The following KCNT2 variants were observed in gnomAD, a reference collection of about 807,000 sequenced individuals.
The protein encoded by KCNT2 is potassium channel subfamily T member 2.
In KCNT2, 67 loss-of-function variants were observed where a neutral mutation model predicts 153.8. The ratio of observed to expected loss-of-function variants is 0.44; its 90% CI spans 0.36 to 0.53. The LOEUF is 0.53. Ranked by LOEUF, KCNT2 falls within the 20% of genes least tolerant of loss-of-function variation. The probability of loss-of-function intolerance (pLI) is 0.00; values close to 1 mark genes in which losing one functional copy is unlikely to be tolerated. For synonymous variants in KCNT2, 500 were observed against 458.8 expected, an observed-to-expected ratio of 1.09 and a Z score of -1.15; for missense variants, 975 against 1,354.8, an observed-to-expected ratio of 0.72 and a Z score of 4.40.
Position 196,344,026 on chromosome 1 carries a change from C to T in KCNT2, c.1404-1798G>A, listed in dbSNP as rs772117477. ...AACTCCCAACCTCAGGCGATCCGCCCGCCTTGGCCTCCCAAAGTGCTGGGA... is the reference window on the plus strand; with the variant it reads ...AACTCCCAACCTCAGGCGATCCGCCTGCCTTGGCCTCCCAAAGTGCTGGGA... On this transcript the variant is annotated intron_variant, in intron 14 of 27. Coordinates refer to ENST00000294725, the MANE Select transcript of KCNT2 (RefSeq NM_198503.5). 1.0e-3 allele frequency among the ~76,000 whole-genome samples: 159 copies of T among 152,290 alleles called. 2 individuals are homozygous for T. Among genetic ancestry groups the T allele is most frequent in the South Asian group, 4.1e-4 (2 of 4,820 alleles).
At chr1:196,250,658 AG>A (rs1470933931) in intron 26 of KCNT2, among the ~76,000 whole-genome samples, 1 of 152,180 alleles carries the variant, frequency 6.6e-6, no homozygotes, top group Non-Finnish European at 1.5e-5. Flanking sequence ...TTCACAGCAA[AG>A]GAAACAAACA....
In KCNT2 at chr1:196,285,823, T is replaced by C. The variant is rs1659601997; in HGVS notation, c.2596-65A>G. ...CACATTTTATGCATTTCTGCCTCAGTAAATTGTGTTGACATACGTAAAAAG... is the reference window on the plus strand; with the variant it reads ...CACATTTTATGCATTTCTGCCTCAGCAAATTGTGTTGACATACGTAAAAAG... On this transcript the variant is annotated intron_variant, in intron 22 of 27. Transcript: ENST00000294725. 5 of 905,292 alleles carry C rather than the reference T, an allele frequency of 5.5e-6. No individual in the cohort carries two copies. The South Asian group carries it at 6.8e-5, about 12-fold the overall frequency. 56.1% of individuals were successfully genotyped at this position (905,292 alleles called of 1,614,324 possible). A position where few individuals can be genotyped will look rare whatever the true frequency, so the allele number is the denominator to read the frequency against.
At chr1:196,318,748 T>C (rs970417630) in intron 20 of KCNT2, among the ~76,000 whole-genome samples, 3 of 151,756 alleles carry the variant, frequency 2.0e-5, no homozygotes, top group South Asian at 2.1e-4. Flanking sequence ...CAGCACTAAA[T>C]ACTTTCAAAG....
At chr1:196,459,627 T>C (rs1318014368) in intron 8 of KCNT2, among the ~76,000 whole-genome samples, 3 of 151,808 alleles carry the variant, frequency 2.0e-5, no homozygotes, top group Admixed American at 6.6e-5. Flanking sequence ...AGCCAAAAAC[T>C]GTAAGTCATA....
intron 3 of KCNT2, among the ~76,000 whole-genome samples, chr1:196,488,245 C>A (rs72732257): frequency 0.3 from 45,163 of 151,746 alleles, 6,810 homozygotes; most frequent in Admixed American, 0.38. Context: ...AATCTCTTTG[C>A]TTAATTAGCC....
In KCNT2 at chr1:196,510,546, G is replaced by T. The variant is rs191071058; in HGVS notation, c.96-18205C>A. On this transcript the variant is annotated intron_variant, in intron 1 of 27. Coordinates refer to ENST00000294725, the MANE Select transcript of KCNT2 (RefSeq NM_198503.5). ...TTACCATAGCTAAACAGACATTTTA[G>T]AAACTTTCTGGATACAATTTATTTA... 5.0e-4 allele frequency among the ~76,000 whole-genome samples: 76 copies of T among 152,216 alleles called. 1 individual carries two copies. Among genetic ancestry groups the T allele is most frequent in the Non-Finnish European group, 1.8e-4 (12 of 68,012 alleles).
intron 27 of KCNT2, among the ~76,000 whole-genome samples, chr1:196,228,916 T>C (rs1157766316): frequency 1.3e-5 from 2 of 152,104 alleles, no homozygotes; most frequent in African/African-American, 2.4e-5. Flanking sequence ...ACGTTTAAAT[T>C]AGCAGGAAAA....
rs75464219 is a variant in KCNT2, at chr1:196,589,744, G to A, written c.95+18471C>T. ...GTAGGTGTTTTGAATATACTGAATC[G>A]TCCCTTTCATTCAGCCAGTTTTTGA... is the stretch of plus-strand genomic sequence containing the variant. On this transcript the variant is annotated intron_variant, in intron 1 of 27. Coordinates refer to ENST00000294725, the MANE Select transcript of KCNT2 (RefSeq NM_198503.5). Among the ~76,000 whole-genome samples, 225 of 152,042 alleles carry A rather than the reference G, an allele frequency of 1.5e-3. 2 individuals carry two copies. The highest frequency in any genetic ancestry group is 5.2e-3 in the African/African-American group (214 of 41,494).
chr1:196,347,631 C>T (rs4379659), intron 14 of KCNT2, among the ~76,000 whole-genome samples: 47,338 of 152,146 alleles, frequency 0.31, 11,703 homozygotes, highest in African/African-American at 0.69. Flanking sequence ...CTTCTTCCAT[C>T]TGATAAAGTT....
intron 17 of KCNT2, among the ~76,000 whole-genome samples, chr1:196,332,773 A>T (rs1445124599): frequency 6.6e-6 from 1 of 150,900 alleles, no homozygotes; most frequent in Non-Finnish European, 1.5e-5. Context: ...CAGGTAAATA[A>T]ATTATTGGCT....
At chr1:196,255,798 A>T (rs1656433810) in intron 26 of KCNT2, among the ~76,000 whole-genome samples, 1 of 151,928 alleles carries the variant, frequency 6.6e-6, no homozygotes, top group Admixed American at 6.6e-5. Context: ...TTGTATTCTA[A>T]TGCAGAATCT....
intron 13 of KCNT2, among the ~76,000 whole-genome samples, chr1:196,389,788 A>C (rs1670312827): frequency 6.6e-6 from 1 of 151,538 alleles, no homozygotes; most frequent in African/African-American, 2.4e-5. Flanking sequence ...TATTACTGAA[A>C]ACTAATACTG....
intron 24 of KCNT2, among the ~76,000 whole-genome samples, chr1:196,281,360 G>A (rs1317530701): frequency 6.6e-6 from 1 of 152,188 alleles, no homozygotes; most frequent in Non-Finnish European, 1.5e-5. Flanking sequence ...AATTGACTGG[G>A]AAATGTAAAG....
intron 26 of KCNT2, among the ~76,000 whole-genome samples, chr1:196,244,987 A>C (rs1410866547): frequency 6.6e-6 from 1 of 152,140 alleles, no homozygotes; most frequent in African/African-American, 2.4e-5. Flanking sequence ...CCCCAGCTCC[A>C]GGCAGGTCAG....
chr1:196,355,098 C>T (rs1184966382), intron 14 of KCNT2, among the ~76,000 whole-genome samples: 1 of 151,392 alleles, frequency 6.6e-6, no homozygotes. Flanking sequence ...AAATAAACAG[C>T]TAACACATAA....
chr1:196,265,652 T>C (rs993204187), intron 25 of KCNT2, among the ~76,000 whole-genome samples: 3 of 152,210 alleles, frequency 2.0e-5, no homozygotes, highest in African/African-American at 7.2e-5. Context: ...GTTGCTTGTA[T>C]GGAAGAAGAG....
At position 196,232,610 on chromosome 1, in the gene KCNT2, A is replaced by C. The variant is rs375592539; in HGVS notation, c.3296+3376T>G. The stretch of plus-strand genomic sequence containing the variant: ...AAAGCTTTTTTATTTTTTTAATAGC[A>C]GTCAAGTTGATGTTTTAGCTTAAAA... On this transcript the variant is annotated intron_variant, in intron 27 of 27. Transcript: ENST00000294725. Among the ~76,000 whole-genome samples, 21 of 151,730 alleles carry C rather than the reference A, an allele frequency of 1.4e-4. No homozygotes were observed. In the South Asian group the frequency reaches 3.9e-3, roughly 28 times the overall value.
At chr1:196,348,039 A>G (rs963157652) in intron 14 of KCNT2, among the ~76,000 whole-genome samples, 1 of 152,162 alleles carries the variant, frequency 6.6e-6, no homozygotes, top group Non-Finnish European at 1.5e-5. Flanking sequence ...ACAGAGGAAG[A>G]GCTTAATATA....
chr1:196,552,785 G>A (rs1658093259), intron 1 of KCNT2, among the ~76,000 whole-genome samples: 1 of 151,340 alleles, frequency 6.6e-6, no homozygotes, highest in South Asian at 2.1e-4. Flanking sequence ...TAGTTAAAGT[G>A]TAGAGTTTTT....
Sources: allele counts gnomAD v4.1 joint callset (sites outside exome capture counted in the v4.1 genomes callset), GRCh38; gene constraint gnomAD v4.1.1; transcripts MANE v1.5; gene names NCBI Gene and HGNC (gene_info 2026-07-23, HGNC 2026-07-21).